The following ATF6 variants were observed in gnomAD, a reference collection of about 807,000 sequenced individuals.
ATF6 encodes the protein cyclic AMP-dependent transcription factor ATF-6 alpha.
Under a neutral mutation model 83.6 loss-of-function variants are expected in ATF6, and 53 were observed. The observed-to-expected ratio is 0.63, with a 90% CI of 0.51 to 0.80. The LOEUF is 0.80. ATF6 is among the 30% of genes least tolerant of loss of function. The pLI, the probability that ATF6 is intolerant of heterozygous loss-of-function variation, is 0.00. For missense variants in ATF6, 744 were observed against 797.9 expected (o/e 0.93, Z 0.81); for synonymous variants, 288 against 285.8 (o/e 1.01, Z -0.08).
chr1:161,918,064 T>A (rs1264931383), intron 15 of ATF6, among the ~76,000 whole-genome samples: 1 of 152,172 alleles, frequency 6.6e-6, no homozygotes, highest in Non-Finnish European at 1.5e-5. Flanking sequence ...TATTTGGGAC[T>A]CCAAAATTTA....
chr1:161,846,434 GT>G lies in ATF6; in HGVS notation c.1188-9del. The G allele has an allele frequency of 1.3e-6, 2 of 1,594,044 alleles. No individual in the cohort carries two copies. The highest frequency in any genetic ancestry group is 1.7e-6 in the Non-Finnish European group (2 of 1,171,050). The stretch of plus-strand genomic sequence containing the variant: ...ATTTTTATTTCAGCTATTATTTCCT[GT>G]TTTTTATTTTCAGCATGTTGGAACA... On this transcript the variant is annotated splice_polypyrimidine_tract_variant and intron_variant, in intron 9 of 15. Transcript: ENST00000367942.
rs185112848 is a variant in ATF6 at position 161,886,826 on chromosome 1, A to G, written c.1719+23514A>G. Among the ~76,000 whole-genome samples the G allele has an allele frequency of 1.1e-4, 16 of 152,366 alleles. No homozygotes were observed. In the East Asian group the frequency reaches 2.7e-3, roughly 26 times the overall value. On this transcript the variant is annotated intron_variant, in intron 14 of 15. Transcript: ENST00000367942. ...AGTCAGGATTCGACATGTTAAGCCAACTTCATGGACTTAACCACAGTCCTG... is the reference window on the plus strand; with the variant it reads ...AGTCAGGATTCGACATGTTAAGCCAGCTTCATGGACTTAACCACAGTCCTG...
At position 161,801,506 on chromosome 1, in the gene ATF6, G is replaced by T. The variant is rs143803532; in HGVS notation, c.689-546G>T. Among the ~76,000 whole-genome samples the T allele has an allele frequency of 2.1e-3, 323 of 151,846 alleles. 2 individuals carry two copies. Among genetic ancestry groups the T allele is most frequent in the Admixed American group, 1.0e-2 (152 of 15,236 alleles). ...GACAGGCTATCACTATGTTGCCTTG[G>T]CTGGTCTCAAACTGCTGGCCTCCCA... On this transcript the variant is annotated intron_variant, in intron 6 of 15. Coordinates refer to ENST00000367942, the MANE Select transcript of ATF6 (RefSeq NM_007348.4).
intron 7 of ATF6, among the ~76,000 whole-genome samples, chr1:161,813,958 C>G (rs540512020): frequency 6.7e-6 from 1 of 148,780 alleles, no homozygotes; most frequent in African/African-American, 2.5e-5. Context: ...GATCTCGGCT[C>G]ACCACAACCT....
At chr1:161,808,818 G>T (rs891817164) in intron 7 of ATF6, among the ~76,000 whole-genome samples, 5 of 151,790 alleles carry the variant, frequency 3.3e-5, no homozygotes, top group African/African-American at 1.2e-4. Context: ...TGATCCTCCT[G>T]CAGTGGCCTC....
intron 15 of ATF6, among the ~76,000 whole-genome samples, chr1:161,938,045 A>G (rs1044485773): frequency 1.3e-5 from 2 of 151,734 alleles, no homozygotes; most frequent in Non-Finnish European, 2.9e-5. Context: ...TGCTTTTCTG[A>G]CCTCATTTTC....
intron 6 of ATF6, among the ~76,000 whole-genome samples, chr1:161,796,450 G>A (rs1320877671): frequency 2.0e-5 from 3 of 152,166 alleles, no homozygotes; most frequent in Non-Finnish European, 4.4e-5. Context: ...TCTGTATATT[G>A]TGGACCCTGG....
Position 161,953,621 on chromosome 1 carries a change from G to A in ATF6, c.1805-4825G>A, listed in dbSNP as rs111360914. On this transcript the variant is annotated intron_variant, in intron 15 of 15. Coordinates refer to ENST00000367942, the MANE Select transcript of ATF6 (RefSeq NM_007348.4). ...CTGAATCTCTCCTGTCAGAGGAACT[G>A]TTTTTAATTTATTTCAGCAAAAGGA... 2.7e-3 allele frequency among the ~76,000 whole-genome samples: 410 copies of A among 152,234 alleles called. 4 individuals are homozygous for A. Among genetic ancestry groups the A allele is most frequent in the African/African-American group, 9.2e-3 (382 of 41,534 alleles).
chr1:161,958,659 C>T lies in ATF6; in HGVS notation c.*5C>T, dbSNP rs938143626. 1 of 1,600,842 alleles carries T rather than the reference C, an allele frequency of 6.2e-7. No individual in the cohort carries two copies. On this transcript the variant is annotated 3_prime_UTR_variant, in exon 16 of 16. Coordinates refer to ENST00000367942, the MANE Select transcript of ATF6 (RefSeq NM_007348.4). Reference sequence around the variant, plus strand: ...ATCCCTGAGTCATTACAATAGCACCCTGCAGCTATGCTGGAAAACTGAGCG... The same window carrying T: ...ATCCCTGAGTCATTACAATAGCACCTTGCAGCTATGCTGGAAAACTGAGCG...
rs1685851811 is a variant in ATF6, at chr1:161,824,790, A to G, written c.1187+3629A>G. Among the ~76,000 whole-genome samples the G allele has an allele frequency of 3.9e-5, 6 of 152,360 alleles. 1 individual carries two copies. In the South Asian group the frequency reaches 1.2e-3, roughly 32 times the overall value. ...TTATTTAGTCAGACATACAGCAAAT[A>G]TTTATAGAGCACTTAATGTTTGCCA... is the stretch of plus-strand genomic sequence containing the variant. On this transcript the variant is annotated intron_variant, in intron 9 of 15. Transcript: ENST00000367942.
chr1:161,944,227 A>G (rs952237655), intron 15 of ATF6, among the ~76,000 whole-genome samples: 2 of 152,202 alleles, frequency 1.3e-5, no homozygotes, highest in Non-Finnish European at 2.9e-5. Flanking sequence ...TGTAATTTGC[A>G]CTTTTAAAAT....
intron 15 of ATF6, among the ~76,000 whole-genome samples, chr1:161,916,380 A>C (rs756949973): frequency 5.3e-5 from 8 of 152,230 alleles, no homozygotes; most frequent in Non-Finnish European, 1.2e-4. Flanking sequence ...TATTTGTTTT[A>C]TATCTATCTA....
chr1:161,791,867 G>A (rs1477724578), intron 5 of ATF6, among the ~76,000 whole-genome samples: 3 of 152,168 alleles, frequency 2.0e-5, no homozygotes, highest in African/African-American at 7.2e-5. Context: ...GTTATCCCGT[G>A]ATTTTAGCAA....
rs566543579 is a variant in ATF6, at chr1:161,925,176, G to A, written c.1804+12796G>A. On this transcript the variant is annotated intron_variant, in intron 15 of 15. Coordinates refer to ENST00000367942, the MANE Select transcript of ATF6 (RefSeq NM_007348.4). ...TTGTGACCTGGGTTCATGGTGCCTCGATTCTGGTCATTCTCTTCTGAATGG... is the reference window on the plus strand; with the variant it reads ...TTGTGACCTGGGTTCATGGTGCCTCAATTCTGGTCATTCTCTTCTGAATGG... Among the ~76,000 whole-genome samples the A allele has an allele frequency of 7.6e-4, 116 of 152,280 alleles. 2 individuals are homozygous for A. The South Asian group carries it at 0.023, about 30-fold the overall frequency.
intron 7 of ATF6, among the ~76,000 whole-genome samples, chr1:161,805,789 G>A (rs1192325052): frequency 1.3e-5 from 2 of 149,334 alleles, no homozygotes; most frequent in Admixed American, 1.4e-4. Context: ...CCAAAAGTAT[G>A]GTGAAAGAAT....
intron 7 of ATF6, among the ~76,000 whole-genome samples, chr1:161,816,853 C>A (rs559687321): frequency 1.3e-5 from 2 of 152,180 alleles, no homozygotes; most frequent in South Asian, 4.1e-4. Flanking sequence ...GTTTAGCCTA[C>A]AAATCATATT....
rs776279689 is a variant in ATF6 at position 161,896,546 on chromosome 1, C to T, written c.1720-15750C>T. Among the ~76,000 whole-genome samples, 6 of 152,266 alleles carry T rather than the reference C, an allele frequency of 3.9e-5. No individual in the cohort carries two copies. In the East Asian group the frequency reaches 7.7e-4, roughly 20 times the overall value. ...TGTTTCACTAGTAAACTGAATTTAA[C>T]GAATTCTCTTTCATAGAGAATGTTG... On this transcript the variant is annotated intron_variant, in intron 14 of 15. Transcript: ENST00000367942.
At chr1:161,905,223 C>T (rs1387662877) in intron 14 of ATF6, among the ~76,000 whole-genome samples, 2 of 152,126 alleles carry the variant, frequency 1.3e-5, no homozygotes, top group Non-Finnish European at 2.9e-5. Context: ...TCCCTTCCCA[C>T]CCTGCTGTGC....
chr1:161,894,898 A>G (rs1158392147), intron 14 of ATF6, among the ~76,000 whole-genome samples: 1 of 151,718 alleles, frequency 6.6e-6, no homozygotes, highest in Admixed American at 6.6e-5. Flanking sequence ...AATTCTTACC[A>G]AGTAGTCTCA....
Sources: gnomAD v4.1 joint callset for allele counts (sites outside exome capture counted in the v4.1 genomes callset) on GRCh38, gnomAD v4.1.1 for gene constraint, MANE v1.5 for transcripts, NCBI Gene and HGNC (gene_info 2026-07-23, HGNC 2026-07-21) for gene names.